BBS4: variants seen among roughly 807,000 people sequenced by gnomAD.
BBS4 encodes the protein Bardet-Biedl syndrome 4, also known as BBSome complex member BBS4.
Under a neutral mutation model 71.4 loss-of-function variants are expected in BBS4, and 58 were observed. That is an observed-to-expected ratio of 0.81 (90% CI 0.66 to 1.01). The LOEUF is 1.01. BBS4 is among the 50% of genes least tolerant of loss of function. BBS4 has a pLI of 0.00. For missense variants in BBS4, 660 were observed against 607.9 expected, an observed-to-expected ratio of 1.09 and a Z score of -0.90; for synonymous variants, 228 against 216.8, an observed-to-expected ratio of 1.05 and a Z score of -0.46.
At position 72,714,288 on chromosome 15, in the gene BBS4, C is replaced by T. The variant is rs551681320; in HGVS notation, c.221-1003C>T. On this transcript the variant is annotated intron_variant, in intron 4 of 15. Coordinates refer to ENST00000268057, the MANE Select transcript of BBS4 (RefSeq NM_033028.5). The stretch of plus-strand genomic sequence containing the variant: ...TTGCCCAGGCTGGAGTGCAGTGGTG[C>T]GATCCCAGCTCACTGCAACCTCTGC... Among the ~76,000 whole-genome samples the T allele has an allele frequency of 8.3e-5, 11 of 132,560 alleles. No homozygotes were observed. The South Asian group carries it at 1.5e-3, about 18-fold the overall frequency. 87.0% of individuals were successfully genotyped at this position (132,560 alleles called of 152,430 possible). A position where few individuals can be genotyped will look rare whatever the true frequency, so the allele number is the denominator to read the frequency against.
chr15:72,735,220 G>C (rs767271465), intron 13 of BBS4, 38 bp downstream of exon 13: 2 of 1,536,988 alleles, frequency 1.3e-6, no homozygotes, highest in South Asian at 2.2e-5. Context: ...GCGGGGGTTG[G>C]ACTCTCCAAA....
At chr15:72,708,721 A>C (rs1438241946) in intron 2 of BBS4, among the ~76,000 whole-genome samples, 1 of 152,166 alleles carries the variant, frequency 6.6e-6, no homozygotes, top group African/African-American at 2.4e-5. Flanking sequence ...CCTAGCAAGG[A>C]ATTTTAATAA....
Position 72,738,432 on chromosome 15 carries a change from G to T in BBS4, c.*845G>T. On this transcript the variant is annotated 3_prime_UTR_variant, in exon 16 of 16. Coordinates refer to ENST00000268057, the MANE Select transcript of BBS4 (RefSeq NM_033028.5). ...TCCTTTGGGGAAAATTGTTATTCAGGTATAAAAACAAGAGATCATAATAAA... is the reference window on the plus strand; with the variant it reads ...TCCTTTGGGGAAAATTGTTATTCAGTTATAAAAACAAGAGATCATAATAAA... The T allele has an allele frequency of 2.6e-6, 1 of 381,522 alleles. No individual in the cohort carries two copies. The highest frequency in any genetic ancestry group is 5.1e-6 in the Non-Finnish European group (1 of 196,662). 23.6% of individuals were successfully genotyped at this position (381,522 alleles called of 1,614,324 possible).
At chr15:72,733,024 G>C (rs531817143) in intron 12 of BBS4, among the ~76,000 whole-genome samples, 1 of 152,216 alleles carries the variant, frequency 6.6e-6, no homozygotes, top group Non-Finnish European at 1.5e-5. Flanking sequence ...AAAGGAGGCA[G>C]TTAAGAATAT....
At chr15:72,688,409 A>ATTTTTTTTT (rs1188469848) in intron 1 of BBS4, among the ~76,000 whole-genome samples, 3 of 24,120 alleles carry the variant, frequency 1.2e-4, no homozygotes, top group African/African-American at 9.9e-5. Flanking sequence ...GTGGTATTTT[A>ATTTTTTTTT]TCTTTTTTTT....
chr15:72,720,631 G>A (rs977360451), intron 6 of BBS4, among the ~76,000 whole-genome samples: 2 of 152,172 alleles, frequency 1.3e-5, no homozygotes, highest in African/African-American at 2.4e-5. Context: ...GTTAAGTAGG[G>A]AGAATTTCCC....
At chr15:72,710,905 CT>C (rs2065357759) in intron 3 of BBS4, among the ~76,000 whole-genome samples, 3 of 151,910 alleles carry the variant, frequency 2.0e-5, no homozygotes, top group Admixed American at 2.0e-4. Flanking sequence ...ATTCTCCTGC[CT>C]CAGCCTCCCA....
At chr15:72,720,076 A>G (rs2065540849) in intron 6 of BBS4, among the ~76,000 whole-genome samples, 1 of 150,902 alleles carries the variant, frequency 6.6e-6, no homozygotes, top group Non-Finnish European at 1.5e-5. Context: ...TTTCTTTAAA[A>G]TTTTCCCCTT....
intron 3 of BBS4, among the ~76,000 whole-genome samples, chr15:72,711,249 G>A (rs2065365750): frequency 6.6e-6 from 1 of 151,974 alleles, no homozygotes; most frequent in Non-Finnish European, 1.5e-5. Context: ...CTGGGTTCAA[G>A]CGATTGTCCT....
rs1024049003 is a variant in BBS4 at position 72,737,952 on chromosome 15, C to T, written c.*365C>T. ...ACTCCTTCCTTAGTTCAAGGAACAG[C>T]TGAGACAGACCTCTGCTGAGTAGCT... On this transcript the variant is annotated 3_prime_UTR_variant, in exon 16 of 16. Transcript: ENST00000268057. 1.5e-5 allele frequency: 7 copies of T among 455,158 alleles called. No individual in the cohort carries two copies. The highest frequency in any genetic ancestry group is 1.2e-4 in the African/African-American group (6 of 50,070). 28.2% of individuals were successfully genotyped at this position (455,158 alleles called of 1,614,324 possible).
At chr15:72,695,924 A>T (rs1157983663) in intron 2 of BBS4, among the ~76,000 whole-genome samples, 1 of 152,200 alleles carries the variant, frequency 6.6e-6, no homozygotes, top group Non-Finnish European at 1.5e-5. Flanking sequence ...TGCATGTCCC[A>T]TGTACACTTG....
At chr15:72,723,636 C>T (rs1000749200) in intron 7 of BBS4, among the ~76,000 whole-genome samples, 1 of 152,114 alleles carries the variant, frequency 6.6e-6, no homozygotes, top group African/African-American at 2.4e-5. Context: ...GTATCCCACA[C>T]TGGTGTGAAA....
intron 2 of BBS4, among the ~76,000 whole-genome samples, chr15:72,699,328 C>T (rs1372690706): frequency 6.6e-6 from 1 of 152,122 alleles, no homozygotes; most frequent in Non-Finnish European, 1.5e-5. Flanking sequence ...CTTCATGATC[C>T]ACCCCAAAGC....
intron 12 of BBS4, among the ~76,000 whole-genome samples, chr15:72,734,629 C>T (rs1224289304): frequency 6.6e-6 from 1 of 152,154 alleles, no homozygotes; most frequent in South Asian, 2.1e-4. Context: ...GCTTCCAGAG[C>T]AGCTGTTTTT....
intron 2 of BBS4, chr15:72,704,520 A>C (rs1396464706): frequency 8.7e-7 from 1 of 1,149,716 alleles, no homozygotes; most frequent in African/African-American, 1.6e-5. Flanking sequence ...CATAGATTCT[A>C]GGGATTTCTG....
chr15:72,686,784 C>T, intron 1 of BBS4: 1 of 357,732 alleles, frequency 2.8e-6, no homozygotes. Flanking sequence ...CCGATGAATT[C>T]AGGATGACCT....
At chr15:72,725,880 TTTCCCCATCCC>T (rs2065680202) in intron 8 of BBS4, among the ~76,000 whole-genome samples, 1 of 1,310 alleles carries the variant, frequency 7.6e-4, no homozygotes, top group African/African-American at 3.4e-3. Flanking sequence ...CCCATCCCCC[TTTCCCCATCCC>T]CCTTTCCCCA....
chr15:72,713,385 T>A lies in BBS4; in HGVS notation c.220+1078T>A, dbSNP rs561580602. ...CGCACGCACTGGTCTAGGCCTACAC[T>A]GAGTCAAGATTATAAATATCACTGT... On this transcript the variant is annotated intron_variant, in intron 4 of 15. Coordinates refer to ENST00000268057, the MANE Select transcript of BBS4 (RefSeq NM_033028.5). Among the ~76,000 whole-genome samples the A allele has an allele frequency of 3.3e-5, 5 of 149,328 alleles. No individual in the cohort carries two copies. In the South Asian group the frequency reaches 1.1e-3, roughly 32 times the overall value.
chr15:72,707,984 T>C (rs2065294861), intron 2 of BBS4, among the ~76,000 whole-genome samples: 1 of 148,966 alleles, frequency 6.7e-6, no homozygotes. Context: ...TTTTTTTTTT[T>C]TGAGACGGAG....
Sources: gnomAD v4.1 joint callset for allele counts (sites outside exome capture counted in the v4.1 genomes callset) on GRCh38, gnomAD v4.1.1 for gene constraint, MANE v1.5 for transcripts, NCBI Gene and HGNC (gene_info 2026-07-23, HGNC 2026-07-21) for gene names.